The following CNBD1 variants were observed in gnomAD, a reference collection of about 807,000 sequenced individuals.
CNBD1 encodes the protein cyclic nucleotide-binding domain-containing protein 1.
Under a neutral mutation model 54.4 loss-of-function variants are expected in CNBD1, and 71 were observed. That is an observed-to-expected ratio of 1.30 (90% CI 1.08 to 1.59). The LOEUF is 1.59. Among genes scored for constraint, CNBD1 ranks in the 40% most tolerant of loss-of-function variants. The pLI is 0.00. For synonymous variants in CNBD1, 182 were observed against 170.7 expected, an observed-to-expected ratio of 1.07 and a Z score of -0.51; for missense variants, 659 against 518.0, an observed-to-expected ratio of 1.27 and a Z score of -2.64.
At chr8:87,423,520 T>C (rs1022234552) in intron 2 of CNBD1, among the ~76,000 whole-genome samples, 5 of 151,488 alleles carry the variant, frequency 3.3e-5, no homozygotes, top group Non-Finnish European at 7.3e-5. Context: ...CTTTTCTGCA[T>C]CTATTGAGAT....
chr8:87,334,195 G>A (rs1448485105), intron 8 of CNBD1, among the ~76,000 whole-genome samples: 1 of 151,992 alleles, frequency 6.6e-6, no homozygotes, highest in Non-Finnish European at 1.5e-5. Context: ...TTCTCTGATG[G>A]TAGCTTGTAT....
chr8:86,876,473 A>G (rs1808522643), intron 1 of CNBD1, among the ~76,000 whole-genome samples: 1 of 151,510 alleles, frequency 6.6e-6, no homozygotes, highest in Non-Finnish European at 1.5e-5. Flanking sequence ...TTTTGTTTAG[A>G]TATGCCTGTG....
chr8:86,958,505 G>T (rs551811659), intron 4 of CNBD1, among the ~76,000 whole-genome samples: 3 of 152,214 alleles, frequency 2.0e-5, no homozygotes, highest in African/African-American at 4.8e-5. Context: ...TATGAATCTG[G>T]GTGCTCCTGT....
At chr8:87,395,253 T>TA (rs1181174053) in intron 2 of CNBD1, among the ~76,000 whole-genome samples, 1 of 151,900 alleles carries the variant, frequency 6.6e-6, no homozygotes, top group African/African-American at 2.4e-5. Context: ...ATTGAAATGT[T>TA]ATGAGGATAC....
At chr8:86,904,743 C>G (rs987321889) in intron 2 of CNBD1, among the ~76,000 whole-genome samples, 28 of 151,970 alleles carry the variant, frequency 1.8e-4, no homozygotes, top group Non-Finnish European at 3.2e-4. Flanking sequence ...TAGATGTAAA[C>G]TATTTTAAAT....
At chr8:87,162,939 A>C (rs1305878894) in intron 4 of CNBD1, among the ~76,000 whole-genome samples, 1 of 152,040 alleles carries the variant, frequency 6.6e-6, no homozygotes, top group Non-Finnish European at 1.5e-5. Context: ...TTATAAAAAG[A>C]CTTGATAGAA....
chr8:86,886,576 TTAATC>T (rs1225468843), intron 1 of CNBD1, among the ~76,000 whole-genome samples: 2 of 152,202 alleles, frequency 1.3e-5, no homozygotes, highest in Admixed American at 6.5e-5. Flanking sequence ...TTATTGGTGA[TTAATC>T]TAAAGGATCA....
At chr8:86,926,778 A>G (rs1043232006) in intron 3 of CNBD1, among the ~76,000 whole-genome samples, 1 of 152,146 alleles carries the variant, frequency 6.6e-6, no homozygotes, top group Non-Finnish European at 1.5e-5. Flanking sequence ...GTAAGGACAG[A>G]CCCTGTCATT....
chr8:87,417,851 A>T (rs1394616891), intron 2 of CNBD1, among the ~76,000 whole-genome samples: 2 of 151,872 alleles, frequency 1.3e-5, no homozygotes, highest in Non-Finnish European at 1.5e-5. Context: ...ATATTAAAAA[A>T]TAAATGTTTA....
intron 6 of CNBD1, among the ~76,000 whole-genome samples, chr8:87,270,212 C>A (rs1365319434): frequency 6.6e-6 from 1 of 151,908 alleles, no homozygotes; most frequent in African/African-American, 2.4e-5. Flanking sequence ...TTCAACATTT[C>A]TTCATGTGAA....
intron 4 of CNBD1, among the ~76,000 whole-genome samples, chr8:87,051,552 G>A (rs554312520): frequency 6.6e-6 from 1 of 152,328 alleles, no homozygotes; most frequent in East Asian, 1.9e-4. Flanking sequence ...CCAGTGATAA[G>A]CATTGTTTCT....
At chr8:87,130,137 C>G (rs1051988016) in intron 4 of CNBD1, among the ~76,000 whole-genome samples, 1 of 152,124 alleles carries the variant, frequency 6.6e-6, no homozygotes, top group African/African-American at 2.4e-5. Context: ...CATGGGAATT[C>G]AAGATGAGAT....
At chr8:87,327,917 G>T (rs1809719626) in intron 8 of CNBD1, among the ~76,000 whole-genome samples, 1 of 151,812 alleles carries the variant, frequency 6.6e-6, no homozygotes, top group East Asian at 1.9e-4. Context: ...TTTGTGTATT[G>T]TGTAAGGTAA....
intron 8 of CNBD1, among the ~76,000 whole-genome samples, chr8:87,291,695 GCTGGACTCAAACTC>G (rs1278998600): frequency 6.6e-6 from 1 of 152,018 alleles, no homozygotes; most frequent in East Asian, 1.9e-4. Context: ...TATTATCCAG[GCTGGACTCAAACTC>G]CTGGGCTCAA....
intron 8 of CNBD1, among the ~76,000 whole-genome samples, chr8:87,341,068 G>T (rs1388230124): frequency 6.6e-6 from 1 of 152,148 alleles, no homozygotes; most frequent in Non-Finnish European, 1.5e-5. Flanking sequence ...CCTGGCAAGA[G>T]ATTCTTTGGG....
intron 10 of CNBD1, among the ~76,000 whole-genome samples, chr8:87,368,898 C>G (rs188396514): frequency 6.6e-6 from 1 of 151,990 alleles, no homozygotes; most frequent in East Asian, 2.0e-4. Flanking sequence ...AGGCCCGCTT[C>G]CAAATGTCAG....
chr8:86,916,952 C>A (rs1433165818), intron 3 of CNBD1, among the ~76,000 whole-genome samples: 1 of 151,602 alleles, frequency 6.6e-6, no homozygotes, highest in Non-Finnish European at 1.5e-5. Context: ...CTCACTGCAC[C>A]CTCCACCTCC....
chr8:87,331,103 G>T lies in CNBD1; in HGVS notation c.1043-20582G>T, dbSNP rs557654480. ...GAGGATACATGTGCAGAACATGAAG[G>T]TTTGTTACACAGGTATACATATGCC... On this transcript the variant is annotated intron_variant, in intron 8 of 10. Transcript: ENST00000518476. 9.9e-5 allele frequency among the ~76,000 whole-genome samples: 15 copies of T among 152,074 alleles called. No individual in the cohort carries two copies. In the South Asian group the frequency reaches 2.9e-3, roughly 30 times the overall value.
At chr8:87,164,443 G>A (rs1281556408) in intron 4 of CNBD1, among the ~76,000 whole-genome samples, 3 of 151,598 alleles carry the variant, frequency 2.0e-5, no homozygotes, top group Admixed American at 1.3e-4. Flanking sequence ...TTGTTGGGAG[G>A]TGTTTAATTA....
Sources: gnomAD v4.1 joint callset for allele counts (sites outside exome capture counted in the v4.1 genomes callset) on GRCh38, gnomAD v4.1.1 for gene constraint, MANE v1.5 for transcripts, NCBI Gene and HGNC (gene_info 2026-07-23, HGNC 2026-07-21) for gene names.